MARCHF11: variants seen among roughly 807,000 people sequenced by gnomAD.
MARCHF11 encodes membrane associated ring-CH-type finger 11, also known as E3 ubiquitin-protein ligase MARCHF11.
MARCHF11 carries 29 observed loss-of-function variants against 37.3 expected under a neutral mutation model. The observed-to-expected ratio is 0.78, with a 90% CI of 0.58 to 1.06. MARCHF11 has a LOEUF of 1.06. MARCHF11 is among the 50% of genes least tolerant of loss of function. The probability of loss-of-function intolerance (pLI) is 0.00; values close to 1 mark genes in which losing one functional copy is unlikely to be tolerated. For missense variants in MARCHF11, 482 were observed against 533.4 expected, an observed-to-expected ratio of 0.90 and a Z score of 0.95; for synonymous variants, 233 against 228.0, an observed-to-expected ratio of 1.02 and a Z score of -0.20.
chr5:16,177,689 A>G (rs1321446273), intron 2 of MARCHF11, 37 bp downstream of exon 2: 4 of 1,558,648 alleles, frequency 2.6e-6, no homozygotes, highest in Non-Finnish European at 3.5e-6. Context: ...ATGTTAACAA[A>G]ATTATTTCAG....
intron 3 of MARCHF11, among the ~76,000 whole-genome samples, chr5:16,084,626 G>A (rs2126552114): frequency 6.6e-6 from 1 of 150,776 alleles, no homozygotes; most frequent in South Asian, 2.1e-4. Context: ...CAGGGTGACA[G>A]AGCAAGACTC....
At chr5:16,099,578 G>GA (rs1250435918) in intron 2 of MARCHF11, among the ~76,000 whole-genome samples, 2,224 of 143,970 alleles carry the variant, frequency 0.015, 55 homozygotes, top group African/African-American at 0.048. Flanking sequence ...AATAGTAACA[G>GA]AAAAAAAAAA....
At chr5:16,132,730 A>G (rs1272659214) in intron 2 of MARCHF11, among the ~76,000 whole-genome samples, 3 of 152,208 alleles carry the variant, frequency 2.0e-5, no homozygotes, top group Admixed American at 1.3e-4. Flanking sequence ...GAAATCTAAG[A>G]AAGTATGAAG....
At chr5:16,096,167 C>T (rs924091641) in intron 2 of MARCHF11, among the ~76,000 whole-genome samples, 1 of 152,160 alleles carries the variant, frequency 6.6e-6, no homozygotes, top group African/African-American at 2.4e-5. Flanking sequence ...AAAAACAACA[C>T]GGGCTCAGTC....
At chr5:16,091,114 G>T in intron 2 of MARCHF11, 33 bp from the exon 3 acceptor site, 1 of 1,439,058 alleles carries the variant, frequency 6.9e-7, no homozygotes, top group Non-Finnish European at 9.2e-7. Flanking sequence ...TAAGAAAGGA[G>T]CTGTGTATAA....
intron 2 of MARCHF11, among the ~76,000 whole-genome samples, chr5:16,161,554 A>G (rs897125745): frequency 1.2e-4 from 18 of 151,984 alleles, no homozygotes; most frequent in African/African-American, 4.3e-4. Flanking sequence ...AGTTTTGCAG[A>G]GGAAAGAATC....
At chr5:16,097,461 A>G (rs1736890243) in intron 2 of MARCHF11, among the ~76,000 whole-genome samples, 1 of 152,220 alleles carries the variant, frequency 6.6e-6, no homozygotes, top group African/African-American at 2.4e-5. Flanking sequence ...ATTAGAAAAC[A>G]TAGAACCATT....
In MARCHF11 at chr5:16,179,310, A is replaced by AT; in HGVS notation, c.265_266insA (p.Leu89HisfsTer35). The AT allele has an allele frequency of 8.0e-7, 1 of 1,247,822 alleles. No homozygotes were observed. The highest frequency in any genetic ancestry group is 1.0e-6 in the Non-Finnish European group (1 of 996,672). The allele number at this position is 1,247,822 out of a possible 1,614,324, so 77.3% of individuals were successfully genotyped here. On this transcript the variant is annotated frameshift_variant, in exon 1 of 4. Coordinates refer to ENST00000332432, the MANE Select transcript of MARCHF11 (RefSeq NM_001102562.3). LOFTEE classifies it high-confidence loss of function. ...CGCCACTTCCTGGCCGGCGGGCTGC[A>AT]GGGGCAGGGGCGGAGGCGGCAGCTC...
At chr5:16,149,290 G>A (rs1308293381) in intron 2 of MARCHF11, among the ~76,000 whole-genome samples, 1 of 152,086 alleles carries the variant, frequency 6.6e-6, no homozygotes, top group Non-Finnish European at 1.5e-5. Context: ...ATTAAATGAA[G>A]AGGAAGGGGA....
intron 2 of MARCHF11, among the ~76,000 whole-genome samples, chr5:16,172,606 G>A (rs1350546911): frequency 6.6e-6 from 1 of 152,190 alleles, no homozygotes; most frequent in Non-Finnish European, 1.5e-5. Flanking sequence ...ATGACAGCAT[G>A]CAATGCCAAT....
At chr5:16,151,266 C>T (rs145808380) in intron 2 of MARCHF11, among the ~76,000 whole-genome samples, 91 of 152,086 alleles carry the variant, frequency 6.0e-4, no homozygotes, top group Non-Finnish European at 1.1e-3. Flanking sequence ...CATTCACCAG[C>T]GTTTATGGAT....
At chr5:16,147,272 C>T (rs1042227983) in intron 2 of MARCHF11, among the ~76,000 whole-genome samples, 3 of 152,142 alleles carry the variant, frequency 2.0e-5, no homozygotes, top group Non-Finnish European at 2.9e-5. Context: ...AGCCAGCTGA[C>T]ATTTACTCAG....
At chr5:16,116,723 T>C (rs1486625396) in intron 2 of MARCHF11, among the ~76,000 whole-genome samples, 2 of 152,184 alleles carry the variant, frequency 1.3e-5, no homozygotes, top group African/African-American at 2.4e-5. Flanking sequence ...TGCAAAGATC[T>C]ATCATACAAT....
chr5:16,094,333 C>T (rs959302161), intron 2 of MARCHF11, among the ~76,000 whole-genome samples: 1 of 152,056 alleles, frequency 6.6e-6, no homozygotes, highest in South Asian at 2.1e-4. Flanking sequence ...CCATTTGCTT[C>T]GATGATAAAA....
chr5:16,144,469 T>C (rs1737769774), intron 2 of MARCHF11, among the ~76,000 whole-genome samples: 1 of 152,184 alleles, frequency 6.6e-6, no homozygotes, highest in Non-Finnish European at 1.5e-5. Context: ...TATTCTCCCT[T>C]TTCTTTAATC....
intron 2 of MARCHF11, among the ~76,000 whole-genome samples, chr5:16,140,025 C>T (rs1205774310): frequency 1.3e-5 from 2 of 152,016 alleles, no homozygotes; most frequent in East Asian, 3.9e-4. Flanking sequence ...ACCAAAACAC[C>T]CTGCCATCTG....
intron 2 of MARCHF11, among the ~76,000 whole-genome samples, chr5:16,105,420 T>C (rs913495337): frequency 2.0e-5 from 3 of 152,206 alleles, no homozygotes; most frequent in African/African-American, 7.2e-5. Context: ...GTCCTTTAGT[T>C]TTCCCATCAA....
intron 2 of MARCHF11, among the ~76,000 whole-genome samples, chr5:16,170,652 A>C (rs344706): frequency 0.97 from 147,919 of 152,184 alleles, 72,012 homozygotes; most frequent in East Asian, 1. Flanking sequence ...TGCATCTATT[A>C]ATTCATACCA....
At chr5:16,156,230 G>A (rs1340219896) in intron 2 of MARCHF11, among the ~76,000 whole-genome samples, 3 of 151,890 alleles carry the variant, frequency 2.0e-5, no homozygotes, top group African/African-American at 7.2e-5. Context: ...TCAGACATCT[G>A]AGAGAAATTC....
Sources: allele counts gnomAD v4.1 joint callset (sites outside exome capture counted in the v4.1 genomes callset), GRCh38; gene constraint gnomAD v4.1.1; transcripts MANE v1.5; gene names NCBI Gene and HGNC (gene_info 2026-07-23, HGNC 2026-07-21).